The following ZNF527 variants were observed in gnomAD, a reference collection of about 807,000 sequenced individuals.
The protein encoded by ZNF527 is zinc finger protein 527.
Under a neutral mutation model 13.5 loss-of-function variants are expected in ZNF527, and 5 were observed. That is an observed-to-expected ratio of 0.37 (90% CI 0.19 to 0.78). ZNF527 has a LOEUF of 0.78. Among genes scored for constraint, ZNF527 ranks in the 30% least tolerant of loss-of-function variants. The pLI is 0.48. For missense variants in ZNF527, 628 were observed against 726.4 expected, an observed-to-expected ratio of 0.86 and a Z score of 1.56; for synonymous variants, 209 against 243.1, an observed-to-expected ratio of 0.86 and a Z score of 1.30.
At chr19:37,372,432 C>T (rs2040564868) in intron 1 of ZNF527, among the ~76,000 whole-genome samples, 1 of 150,574 alleles carries the variant, frequency 6.6e-6, no homozygotes. Flanking sequence ...CTAGGTCAAC[C>T]ACAGTTGTCC....
intron 1 of ZNF527, among the ~76,000 whole-genome samples, chr19:37,373,525 C>A (rs1264918376): frequency 6.6e-6 from 1 of 152,118 alleles, no homozygotes; most frequent in African/African-American, 2.4e-5. Flanking sequence ...AAACCTAGTT[C>A]TCTTGGATCT....
At chr19:37,378,398 A>G (rs961080298) in intron 2 of ZNF527, among the ~76,000 whole-genome samples, 2 of 152,148 alleles carry the variant, frequency 1.3e-5, no homozygotes, top group Non-Finnish European at 2.9e-5. Flanking sequence ...ATTTTTAAGC[A>G]CTGAATACTC....
In ZNF527 at chr19:37,393,017, AT is replaced by A. The variant is rs1480989334; in HGVS notation, c.*3139del. ...TAGAGATTTCTGTTTATGTGTGTGT[AT>A]GTGCATCTGAAGATGTGTATTTTAT... On this transcript the variant is annotated 3_prime_UTR_variant, in exon 5 of 5. Coordinates refer to ENST00000436120, the MANE Select transcript of ZNF527 (RefSeq NM_032453.2). The A allele has an allele frequency of 4.6e-5, 7 of 152,254 alleles. No homozygotes were observed. The highest frequency in any genetic ancestry group is 8.8e-5 in the Non-Finnish European group (6 of 68,014). 9.4% of individuals were successfully genotyped at this position (152,254 alleles called of 1,614,324 possible).
Position 37,380,375 on chromosome 19 carries a change from G to A in ZNF527, c.256+3G>A. 6.2e-7 allele frequency: 1 copy of A among 1,612,748 alleles called. No homozygotes were observed. ...GATGTCACAGGGTCACTGTGCAGGTGAGTGACAGATCACCAGGCAGGGAGG... is the reference window on the plus strand; with the variant it reads ...GATGTCACAGGGTCACTGTGCAGGTAAGTGACAGATCACCAGGCAGGGAGG... On this transcript the variant is annotated splice_donor_region_variant and intron_variant, in intron 4 of 4. Transcript: ENST00000436120.
intron 4 of ZNF527, among the ~76,000 whole-genome samples, chr19:37,384,230 ATTGC>A (rs1248536926): frequency 6.6e-6 from 1 of 152,132 alleles, no homozygotes; most frequent in African/African-American, 2.4e-5. Flanking sequence ...AGGTAGGAAA[ATTGC>A]TTGAACCTGG....
Position 37,389,946 on chromosome 19 carries a change from T to C in ZNF527, c.*67T>C. ...ATCCTTATTAAATATTAGTGAGTTC[T>C]TTTTGGTTAGTAATTCTTTGAATGT... is the stretch of plus-strand genomic sequence containing the variant. On this transcript the variant is annotated 3_prime_UTR_variant, in exon 5 of 5. Transcript: ENST00000436120. The C allele has an allele frequency of 6.7e-7, 1 of 1,495,946 alleles. No homozygotes were observed. Among genetic ancestry groups the C allele is most frequent in the South Asian group, 1.4e-5 (1 of 72,402 alleles). 92.7% of individuals were successfully genotyped at this position (1,495,946 alleles called of 1,614,324 possible).
Position 37,390,007 on chromosome 19 carries a change from A to C in ZNF527, c.*128A>C, listed in dbSNP as rs1427412154. 1 of 1,247,838 alleles carries C rather than the reference A, an allele frequency of 8.0e-7. No individual in the cohort carries two copies. Among genetic ancestry groups the C allele is most frequent in the East Asian group, 2.4e-5 (1 of 41,868 alleles). The allele number at this position is 1,247,838 out of a possible 1,614,324, so 77.3% of individuals were successfully genotyped here. On this transcript the variant is annotated 3_prime_UTR_variant, in exon 5 of 5. Coordinates refer to ENST00000436120, the MANE Select transcript of ZNF527 (RefSeq NM_032453.2). ...TCAGTTCATGAGTATCCGTTATTTG[A>C]AGTAGCTCAGTAGTAGACATCTGTT... is the stretch of plus-strand genomic sequence containing the variant.
chr19:37,388,894 C>T lies in ZNF527; in HGVS notation c.845C>T (p.Ala282Val), dbSNP rs770948534. 2.5e-6 allele frequency: 4 copies of T among 1,614,070 alleles called. No homozygotes were observed. In the Admixed American group the frequency reaches 5.0e-5, roughly 20 times the overall value. ...LPHGYDECGD[A>V]FSCYSFFTQP... ...CATGGATACGATGAATGTGGTGATGCCTTTAGCTGTTACTCATTCTTTACT... is the reference window on the plus strand; with the variant it reads ...CATGGATACGATGAATGTGGTGATGTCTTTAGCTGTTACTCATTCTTTACT... The change falls in exon 5 of 5, where the codon GCC becomes GTC. Residue 282 changes from alanine (A) to valine (V), a missense_variant. By Grantham distance (64) the Ala-to-Val change is moderately conservative. This residue lies in a region of ZNF527 where 592 missense variants were observed against 678.0 expected (regional missense o/e 0.87). Coordinates refer to ENST00000436120, the MANE Select transcript of ZNF527 (RefSeq NM_032453.2).
At chr19:37,376,869 T>C (rs1351273102) in intron 2 of ZNF527, among the ~76,000 whole-genome samples, 2 of 152,110 alleles carry the variant, frequency 1.3e-5, no homozygotes, top group Non-Finnish European at 2.9e-5. Flanking sequence ...AAAAAGAGTG[T>C]AAGAAGTCTC....
chr19:37,376,797 T>A (rs77292923), intron 2 of ZNF527, among the ~76,000 whole-genome samples: 2,039 of 151,332 alleles, frequency 0.013, 42 homozygotes, highest in East Asian at 0.052. Flanking sequence ...CACATATGAG[T>A]ACTCTAAATT....
Position 37,388,826 on chromosome 19 carries a change from A to G in ZNF527, c.777A>G (p.Ser259=). ...HDFSKLLSFH[S]LFTQHQTTHF... is the part of the protein sequence containing the mutation. Reference sequence around the variant, plus strand: ...TTTCAAAGCTCTTAAGTTTCCACTCATTATTTACTCAACATCAGACCACTC... The same window carrying G: ...TTTCAAAGCTCTTAAGTTTCCACTCGTTATTTACTCAACATCAGACCACTC... Residue 259 remains serine (S), a synonymous_variant, in exon 5 of 5, where the codon TCA becomes TCG. Coordinates refer to ENST00000436120, the MANE Select transcript of ZNF527 (RefSeq NM_032453.2). The G allele has an allele frequency of 1.2e-6, 2 of 1,613,736 alleles. No individual in the cohort carries two copies. Among genetic ancestry groups the G allele is most frequent in the Non-Finnish European group, 8.5e-7 (1 of 1,179,956 alleles).
chr19:37,371,497 GTC>G (rs935036636), intron 1 of ZNF527, among the ~76,000 whole-genome samples: 1 of 152,170 alleles, frequency 6.6e-6, no homozygotes, highest in Non-Finnish European at 1.5e-5. Context: ...GTGTGTGACT[GTC>G]TCTGCAGGTG....
At chr19:37,380,121 A>C in intron 3 of ZNF527, 156 bp from the exon 4 acceptor site, 1 of 1,376,282 alleles carries the variant, frequency 7.3e-7, no homozygotes, top group Non-Finnish European at 9.5e-7. Flanking sequence ...CCTCATCCAT[A>C]CAAGCGTCAT....
Position 37,383,028 on chromosome 19 carries a change from G to C in ZNF527, c.256+2656G>C, listed in dbSNP as rs116839976. Among the ~76,000 whole-genome samples, 1,171 of 152,092 alleles carry C rather than the reference G, an allele frequency of 7.7e-3. 15 individuals are homozygous for C. Among genetic ancestry groups the C allele is most frequent in the African/African-American group, 0.027 (1,103 of 41,492 alleles). ...GGCCGTATATACGTAGTTTTATAAGGAATTGCTACATTCCCCTCCAGAAAA... is the reference window on the plus strand; with the variant it reads ...GGCCGTATATACGTAGTTTTATAAGCAATTGCTACATTCCCCTCCAGAAAA... On this transcript the variant is annotated intron_variant, in intron 4 of 4. Transcript: ENST00000436120.
chr19:37,375,311 T>TTTCCTTTCTTTCTTTC lies in ZNF527; in HGVS notation c.33+1082_33+1083insCCTTTCTTTCTTTCTT, dbSNP rs760003304. On this transcript the variant is annotated intron_variant, in intron 2 of 4. Transcript: ENST00000436120. ...CTTTCTTTCTTTCTTTCTTTCTTTC[T>TTTCCTTTCTTTCTTTC]TTTCTTTCTTTCTTTCTTTCTTTCT... Among the ~76,000 whole-genome samples the TTTCCTTTCTTTCTTTC allele has an allele frequency of 1.0e-4, 8 of 79,838 alleles. No homozygotes were observed. The South Asian group carries it at 2.9e-3, about 29-fold the overall frequency. 52.4% of individuals were successfully genotyped at this position (79,838 alleles called of 152,430 possible). A position where few individuals can be genotyped will look rare whatever the true frequency, so the allele number is the denominator to read the frequency against.
At chr19:37,385,276 T>G in intron 4 of ZNF527, 1 of 437,834 alleles carries the variant, frequency 2.3e-6, no homozygotes, top group Non-Finnish European at 4.0e-6. Context: ...GTTTTCAAGG[T>G]TAATGTCAAA....
chr19:37,388,220 G>T (rs772490755), intron 4 of ZNF527, 86 bp from the exon 5 acceptor site: 9 of 1,491,918 alleles, frequency 6.0e-6, no homozygotes, highest in African/African-American at 1.4e-5. Context: ...CTTCCCCCCA[G>T]TTAAATTCTT....
Position 37,389,063 on chromosome 19 carries a change from T to G in ZNF527, c.1014T>G (p.Ala338=), listed in dbSNP as rs115804236. The G allele has an allele frequency of 1.2e-6, 2 of 1,614,184 alleles. No individual in the cohort carries two copies. Among genetic ancestry groups the G allele is most frequent in the Admixed American group, 1.7e-5 (1 of 60,020 alleles). Residue 338 remains alanine (A), a synonymous_variant, in exon 5 of 5, where the codon GCT becomes GCG. Transcript: ENST00000436120. ...KPYECKECNK[A]FRQSAHLAQH... The stretch of plus-strand genomic sequence containing the variant: ...ATGAATGTAAGGAATGTAACAAAGC[T>G]TTCAGACAGAGTGCTCACCTTGCTC...
In ZNF527 at chr19:37,379,245, T is replaced by A. The variant is rs753255967; in HGVS notation, c.159T>A (p.Leu53=). The change falls in exon 3 of 5, where the codon CTT becomes CTA. Residue 53 remains leucine, a splice_region_variant and synonymous_variant. Coordinates refer to ENST00000436120, the MANE Select transcript of ZNF527 (RefSeq NM_032453.2). ...MLENYRNLVW[L]GLSISKPNMI... ...AGAACTACAGGAACTTGGTATGGCT[T>A]GGTAAGGATGTTTCTCCCCCATAAT... 1 of 1,590,428 alleles carries A rather than the reference T, an allele frequency of 6.3e-7. No homozygotes were observed. Among genetic ancestry groups the A allele is most frequent in the Non-Finnish European group, 8.5e-7 (1 of 1,171,742 alleles).
Sources: gnomAD v4.1 joint callset for allele counts (sites outside exome capture counted in the v4.1 genomes callset) on GRCh38, gnomAD v4.1.1 for gene constraint, gnomAD v4.1.1 regional missense constraint, MANE v1.5 for transcripts, NCBI Gene and HGNC (gene_info 2026-07-23, HGNC 2026-07-21) for gene names.